The following KANK1 variants were observed in gnomAD, a reference collection of about 807,000 sequenced individuals.
KANK1 encodes KN motif and ankyrin repeat domains 1, also known as KN motif and ankyrin repeat domain-containing protein 1.
In KANK1, 109 loss-of-function variants were observed where a neutral mutation model predicts 106.2. The ratio of observed to expected loss-of-function variants is 1.03; its 90% CI spans 0.88 to 1.20. The LOEUF (loss-of-function observed/expected upper bound fraction) is 1.20. KANK1 is among the 50% of genes most tolerant of loss of function. The probability of loss-of-function intolerance (pLI) is 0.00; values close to 1 mark genes in which losing one functional copy is unlikely to be tolerated. For missense variants in KANK1, 2,399 were observed against 1,710.7 expected (o/e 1.40, Z -7.10); for synonymous variants, 873 against 652.2 (o/e 1.34, Z -5.16).
chr9:594,159 G>C (rs1825662229), intron 1 of KANK1, among the ~76,000 whole-genome samples: 1 of 151,898 alleles, frequency 6.6e-6, no homozygotes, highest in Non-Finnish European at 1.5e-5. Context: ...TTATACTAGA[G>C]AGGCAGGTTT....
intron 1 of KANK1, among the ~76,000 whole-genome samples, chr9:561,047 C>T (rs955290609): frequency 1.3e-5 from 2 of 152,066 alleles, no homozygotes; most frequent in East Asian, 1.9e-4. Flanking sequence ...AGGCTACCTC[C>T]GAGGGCTTGT....
At chr9:655,124 C>T (rs983956268) in intron 1 of KANK1, among the ~76,000 whole-genome samples, 3 of 152,120 alleles carry the variant, frequency 2.0e-5, no homozygotes, top group Non-Finnish European at 2.9e-5. Context: ...AACCCCAGCA[C>T]TCTAGGAGGC....
At chr9:662,512 A>G (rs1387655194) in intron 1 of KANK1, among the ~76,000 whole-genome samples, 3 of 148,554 alleles carry the variant, frequency 2.0e-5, no homozygotes, top group African/African-American at 7.5e-5. Context: ...GAGGCCTCAG[A>G]AATAACACCA....
chr9:677,852 T>G (rs902574784), intron 2 of KANK1, among the ~76,000 whole-genome samples: 12 of 152,138 alleles, frequency 7.9e-5, no homozygotes, highest in African/African-American at 2.4e-4. Context: ...AACCTGAATT[T>G]GAGTCCTAGT....
intron 3 of KANK1, among the ~76,000 whole-genome samples, chr9:725,620 G>A (rs1830451308): frequency 1.3e-5 from 2 of 152,064 alleles, no homozygotes; most frequent in Non-Finnish European, 1.5e-5. Context: ...CTGCATCAGT[G>A]ATTCTTGTAG....
intron 1 of KANK1, among the ~76,000 whole-genome samples, chr9:556,712 C>T (rs902059548): frequency 6.6e-6 from 1 of 152,270 alleles, no homozygotes; most frequent in South Asian, 2.1e-4. Context: ...CTAGCTCTTG[C>T]CCTGCTTCAT....
At chr9:675,741 T>C (rs1816282548) in intron 1 of KANK1, among the ~76,000 whole-genome samples, 1 of 152,032 alleles carries the variant, frequency 6.6e-6, no homozygotes, top group African/African-American at 2.4e-5. Flanking sequence ...GGTGAATCCA[T>C]AGAGTAAAGT....
intron 1 of KANK1, among the ~76,000 whole-genome samples, chr9:524,278 A>G (rs1487059841): frequency 1.3e-5 from 2 of 151,096 alleles, no homozygotes; most frequent in South Asian, 2.1e-4. Context: ...CCTTTACTTG[A>G]TTAAGTCGTT....
intron 1 of KANK1, among the ~76,000 whole-genome samples, chr9:594,026 A>T (rs1479564633): frequency 1.3e-5 from 2 of 151,974 alleles, no homozygotes; most frequent in East Asian, 3.9e-4. Flanking sequence ...CATGCAGCTG[A>T]CTGCCCTGGG....
intron 1 of KANK1, among the ~76,000 whole-genome samples, chr9:533,584 A>T (rs934951662): frequency 6.6e-6 from 1 of 152,190 alleles, no homozygotes; most frequent in African/African-American, 2.4e-5. Flanking sequence ...TGAATCCTGA[A>T]TAGTTTTTAC....
At chr9:666,587 T>A (rs992011100) in intron 1 of KANK1, among the ~76,000 whole-genome samples, 1 of 152,164 alleles carries the variant, frequency 6.6e-6, no homozygotes, top group African/African-American at 2.4e-5. Flanking sequence ...ATTTATCATA[T>A]ATGGCCTTTA....
In KANK1 at chr9:745,721, G is replaced by C. The variant is rs1190169781; in HGVS notation, c.*486G>C. The C allele has an allele frequency of 6.6e-6, 1 of 152,542 alleles. No individual in the cohort carries two copies. The highest frequency in any genetic ancestry group is 1.5e-5 in the Non-Finnish European group (1 of 68,152). The allele number at this position is 152,542 out of a possible 1,614,324, so 9.4% of individuals were successfully genotyped here. ...AGATGACTTTGATCATTGGTAACTT[G>C]GGCCTGGGCCAGACAAAGTATAAAA... On this transcript the variant is annotated 3_prime_UTR_variant, in exon 12 of 12. Transcript: ENST00000382297.
chr9:727,978 C>T (rs1342924699), intron 3 of KANK1, among the ~76,000 whole-genome samples: 7 of 152,024 alleles, frequency 4.6e-5, no homozygotes, highest in Non-Finnish European at 1.0e-4. Flanking sequence ...AAACATGCCT[C>T]ATTATACCCT....
chr9:533,736 C>G (rs2060168828), intron 1 of KANK1, among the ~76,000 whole-genome samples: 1 of 152,154 alleles, frequency 6.6e-6, no homozygotes, highest in Admixed American at 6.5e-5. Flanking sequence ...TAGAGTGAGA[C>G]AGATGCAAAG....
In KANK1 at chr9:711,459, C is replaced by T. The variant is rs1826053285; in HGVS notation, c.693C>T (p.Thr231=). 1.2e-6 allele frequency: 2 copies of T among 1,614,026 alleles called. No individual in the cohort carries two copies. Among genetic ancestry groups the T allele is most frequent in the Admixed American group, 1.7e-5 (1 of 60,006 alleles). Residue 231 remains threonine (T), a synonymous_variant, in exon 3 of 12, where the codon ACC becomes ACT. Transcript: ENST00000382297. ...GTAGCTATGCCCCAGCTGCTCCCAC[C>T]ACTTCCTCCATGGGGAGCTCCATCC... is the stretch of plus-strand genomic sequence containing the variant. The part of the protein sequence containing the change: ...DYGSYAPAAP[T]TSSMGSSIRH...
At chr9:479,157 G>A (rs10974741) in intron 3 of KANK1, among the ~76,000 whole-genome samples, 48,693 of 151,990 alleles carry the variant, frequency 0.32, 11,335 homozygotes, top group African/African-American at 0.64. Context: ...ATTTTATATC[G>A]TGCTCTTTGT....
rs560526223 is a variant in KANK1 at position 723,199 on chromosome 9, G to A, written c.2699-6852G>A. Among the ~76,000 whole-genome samples the A allele has an allele frequency of 1.2e-4, 18 of 152,236 alleles. 1 individual carries two copies. The East Asian group carries it at 3.3e-3, about 28-fold the overall frequency. ...TAGCTGAGAGGTAAAGTTCCCGCAG[G>A]CAAGATGAAACCTTCCACCTTGACC... is the stretch of plus-strand genomic sequence containing the variant. On this transcript the variant is annotated intron_variant, in intron 3 of 11. Transcript: ENST00000382297.
At chr9:564,989 G>A (rs1157409039) in intron 1 of KANK1, among the ~76,000 whole-genome samples, 2 of 152,216 alleles carry the variant, frequency 1.3e-5, no homozygotes, top group Non-Finnish European at 2.9e-5. Flanking sequence ...GCTTCACTGA[G>A]AAGGAGCCTG....
intron 1 of KANK1, among the ~76,000 whole-genome samples, chr9:543,187 A>AT: frequency 1.3e-5 from 2 of 152,286 alleles, no homozygotes; most frequent in Middle Eastern, 6.8e-3. Flanking sequence ...ATAAACGGTA[A>AT]TAAGCCCTTA....
Sources: gnomAD v4.1 joint callset for allele counts (sites outside exome capture counted in the v4.1 genomes callset) on GRCh38, gnomAD v4.1.1 for gene constraint, MANE v1.5 for transcripts, NCBI Gene and HGNC (gene_info 2026-07-23, HGNC 2026-07-21) for gene names.